The following ZNF385D variants were observed in gnomAD, a reference collection of about 807,000 sequenced individuals.
ZNF385D encodes the protein zinc finger protein 659.
In ZNF385D, 15 loss-of-function variants were observed where a neutral mutation model predicts 35.8. That is an observed-to-expected ratio of 0.42 (90% CI 0.28 to 0.64). ZNF385D has a LOEUF of 0.64. Among genes scored for constraint, ZNF385D ranks in the 30% least tolerant of loss-of-function variants. The pLI is 0.23. For missense variants in ZNF385D, 474 were observed against 494.6 expected, an observed-to-expected ratio of 0.96 and a Z score of 0.39; for synonymous variants, 212 against 186.8, an observed-to-expected ratio of 1.13 and a Z score of -1.10.
chr3:21,502,785 G>C (rs1706480827), intron 4 of ZNF385D, among the ~76,000 whole-genome samples: 1 of 152,112 alleles, frequency 6.6e-6, no homozygotes, highest in Admixed American at 6.6e-5. Context: ...CTTGAGAAGG[G>C]AACACTTGAT....
At chr3:21,507,122 C>A (rs940465346) in intron 4 of ZNF385D, among the ~76,000 whole-genome samples, 1 of 152,098 alleles carries the variant, frequency 6.6e-6, no homozygotes, top group African/African-American at 2.4e-5. Context: ...AATTATCAAT[C>A]AAAATTGTCT....
chr3:21,525,842 A>G (rs555769037), intron 3 of ZNF385D, among the ~76,000 whole-genome samples: 9 of 152,160 alleles, frequency 5.9e-5, no homozygotes, highest in African/African-American at 2.2e-4. Flanking sequence ...CCTACATTTT[A>G]TGACAAATTG....
Position 22,064,109 on chromosome 3 carries a change from G to C in ZNF385D, c.325+104708C>G, listed in dbSNP as rs114609777. On this transcript the variant is annotated intron_variant, in intron 3 of 5. Coordinates refer to the ZNF385D transcript ENST00000494108. ...CCTTTAGGGGACTGCTAGGACTTCA[G>C]TCTAGTTATAGGGCTAGAAATCAAG... Among the ~76,000 whole-genome samples, 1,158 of 152,292 alleles carry C rather than the reference G, an allele frequency of 7.6e-3. 13 individuals are homozygous for C. The highest frequency in any genetic ancestry group is 0.026 in the African/African-American group (1,080 of 41,544).
intron 4 of ZNF385D, among the ~76,000 whole-genome samples, chr3:21,459,896 TG>T (rs1381420955): frequency 1.3e-5 from 2 of 152,194 alleles, no homozygotes; most frequent in Non-Finnish European, 2.9e-5. Flanking sequence ...TCTCCAAGTC[TG>T]GGAATATGAA....
chr3:21,467,933 A>C (rs9816711), intron 4 of ZNF385D, among the ~76,000 whole-genome samples: 33,020 of 152,082 alleles, frequency 0.22, 3,825 homozygotes, highest in Middle Eastern at 0.32. Context: ...AAAGAATGAT[A>C]GTTCCATTTG....
intron 3 of ZNF385D, among the ~76,000 whole-genome samples, chr3:21,770,418 A>AGTGGGCAAAGTATAT (rs2071027196): frequency 6.6e-6 from 1 of 152,212 alleles, no homozygotes; most frequent in African/African-American, 2.4e-5. Flanking sequence ...CCCATCAAAA[A>AGTGGGCAAAGTATAT]GTGGGCAAAG....
chr3:22,098,099 A>T (rs774364418), intron 3 of ZNF385D, among the ~76,000 whole-genome samples: 1 of 152,098 alleles, frequency 6.6e-6, no homozygotes, highest in Non-Finnish European at 1.5e-5. Context: ...ATGTTGGGAA[A>T]AGACTGTCCA....
chr3:22,285,460 C>G (rs544450971), intron 2 of ZNF385D, among the ~76,000 whole-genome samples: 10 of 152,132 alleles, frequency 6.6e-5, no homozygotes, highest in African/African-American at 2.4e-4. Flanking sequence ...ATTTTTTTCT[C>G]TACTGAAAAA....
chr3:22,286,030 A>G (rs1377862668), intron 2 of ZNF385D, among the ~76,000 whole-genome samples: 1 of 152,134 alleles, frequency 6.6e-6, no homozygotes, highest in African/African-American at 2.4e-5. Flanking sequence ...AAAGCTATGA[A>G]ATAAAGACAC....
chr3:22,217,035 T>C (rs1697932224), intron 2 of ZNF385D, among the ~76,000 whole-genome samples: 1 of 152,196 alleles, frequency 6.6e-6, no homozygotes, highest in African/African-American at 2.4e-5. Context: ...GATTTTGCTA[T>C]GTATCTGTTG....
At chr3:22,212,954 G>A (rs936691735) in intron 2 of ZNF385D, among the ~76,000 whole-genome samples, 2 of 151,936 alleles carry the variant, frequency 1.3e-5, no homozygotes, top group Non-Finnish European at 2.9e-5. Context: ...AGAACCAATA[G>A]ACTGTTTAAA....
At chr3:21,911,564 C>A (rs558468673) in intron 3 of ZNF385D, among the ~76,000 whole-genome samples, 2 of 152,046 alleles carry the variant, frequency 1.3e-5, no homozygotes, top group Admixed American at 1.3e-4. Context: ...ATCAAATTAT[C>A]TGAGATGATA....
chr3:21,705,782 G>C (rs1038129855), intron 1 of ZNF385D, among the ~76,000 whole-genome samples: 1 of 152,158 alleles, frequency 6.6e-6, no homozygotes, highest in African/African-American at 2.4e-5. Flanking sequence ...GGTTCAGACT[G>C]TTTGCATTCG....
chr3:21,831,596 A>C (rs1458840342), intron 3 of ZNF385D, among the ~76,000 whole-genome samples: 1 of 152,184 alleles, frequency 6.6e-6, no homozygotes, highest in Non-Finnish European at 1.5e-5. Flanking sequence ...TACTGAGTTT[A>C]AATCTGGTTT....
At chr3:21,464,313 C>T (rs908103459) in intron 4 of ZNF385D, among the ~76,000 whole-genome samples, 17 of 152,146 alleles carry the variant, frequency 1.1e-4, no homozygotes, top group Non-Finnish European at 1.5e-5. Context: ...CAAAAGCCTT[C>T]TATTAAGTGG....
chr3:21,544,586 T>C (rs1298251870), intron 3 of ZNF385D, among the ~76,000 whole-genome samples: 2 of 152,172 alleles, frequency 1.3e-5, no homozygotes, highest in African/African-American at 2.4e-5. Flanking sequence ...AGGTTCTCTG[T>C]GTGAACATAT....
At chr3:22,308,746 T>A (rs574674626) in intron 2 of ZNF385D, among the ~76,000 whole-genome samples, 1 of 152,234 alleles carries the variant, frequency 6.6e-6, no homozygotes, top group African/African-American at 2.4e-5. Flanking sequence ...AGAGGCCATA[T>A]TGCAGAATTA....
Position 21,896,528 on chromosome 3 carries a change from CT to C in ZNF385D, c.326-231501del, listed in dbSNP as rs1160174538. 1.1e-4 allele frequency among the ~76,000 whole-genome samples: 16 copies of C among 152,160 alleles called. No homozygotes were observed. In the East Asian group the frequency reaches 2.3e-3, roughly 22 times the overall value. On this transcript the variant is annotated intron_variant, in intron 3 of 5. Coordinates refer to the ZNF385D transcript ENST00000494108. ...GGGGGCAAAGAGGTGGGGCCTGGGC[CT>C]TTTTTTCCCCCTGGTATATTTTTAT...
chr3:22,324,312 G>C (rs998126654), intron 2 of ZNF385D, among the ~76,000 whole-genome samples: 9 of 152,068 alleles, frequency 5.9e-5, no homozygotes, highest in Non-Finnish European at 1.2e-4. Context: ...CTAGTATTAA[G>C]CAGTAGAACA....
Sources: gnomAD v4.1 joint callset for allele counts (sites outside exome capture counted in the v4.1 genomes callset) on GRCh38, gnomAD v4.1.1 for gene constraint, MANE v1.5 for transcripts, NCBI Gene and HGNC (gene_info 2026-07-23, HGNC 2026-07-21) for gene names.